The following FGD4 variants were observed in gnomAD, a reference collection of about 807,000 sequenced individuals.
FGD4 encodes FYVE, RhoGEF and PH domain-containing protein 4.
FGD4 carries 42 observed loss-of-function variants against 102.0 expected under a neutral mutation model. The observed-to-expected ratio is 0.41, with a 90% CI of 0.32 to 0.53. The LOEUF is 0.53. Ranked by LOEUF, FGD4 falls within the 20% of genes least tolerant of loss-of-function variation. FGD4 has a pLI of 0.21. For synonymous variants in FGD4, 380 were observed against 375.7 expected (o/e 1.01, Z -0.13); for missense variants, 902 against 1,078.2 (o/e 0.84, Z 2.29).
chr12:32,431,222 G>A (rs565361045), intron 1 of FGD4, among the ~76,000 whole-genome samples: 97 of 152,312 alleles, frequency 6.4e-4, no homozygotes, highest in Admixed American at 8.5e-4. Context: ...CAGCAGATGT[G>A]TTAGGTGCTT....
At chr12:32,628,998 C>A (rs1354498980) in intron 14 of FGD4, among the ~76,000 whole-genome samples, 1 of 152,154 alleles carries the variant, frequency 6.6e-6, no homozygotes, top group African/African-American at 2.4e-5. Context: ...AATGGTGCTT[C>A]CTGAGTATCT....
chr12:32,610,991 C>A, intron 9 of FGD4, 146 bp from the exon 10 acceptor site: 1 of 1,251,816 alleles, frequency 8.0e-7, no homozygotes, highest in Non-Finnish European at 1.1e-6. Context: ...ATTCTCTGAA[C>A]TTGCTAATAA....
intron 1 of FGD4, among the ~76,000 whole-genome samples, chr12:32,433,865 A>T (rs556952067): frequency 6.6e-5 from 10 of 150,484 alleles, no homozygotes; most frequent in South Asian, 2.1e-4. Context: ...ATTTATTATT[A>T]TTATTTTTTG....
intron 3 of FGD4, 82 bp downstream of exon 3, chr12:32,576,531 A>G (rs1946142351): frequency 1.2e-5 from 17 of 1,456,588 alleles, no homozygotes; most frequent in Non-Finnish European, 1.5e-5. Flanking sequence ...GATACATTCT[A>G]AATAAAAAGC....
rs938668725 is a variant in FGD4, at chr12:32,644,927, C to T, written c.*4394C>T. On this transcript the variant is annotated 3_prime_UTR_variant, in exon 17 of 17. Transcript: ENST00000534526. The stretch of plus-strand genomic sequence containing the variant: ...ATCTGAAGTCAATCATGGTCTTCTA[C>T]TTTCTGGACTGAGCATTTGGCAGAA... 4.0e-5 allele frequency: 6 copies of T among 151,170 alleles called. No individual in the cohort carries two copies. The highest frequency in any genetic ancestry group is 5.9e-5 in the Non-Finnish European group (4 of 67,864). The allele number at this position is 151,170 out of a possible 1,614,324, so 9.4% of individuals were successfully genotyped here. A position where few individuals can be genotyped will look rare whatever the true frequency, so the allele number is the denominator to read the frequency against.
chr12:32,545,969 A>G (rs1480689853), intron 1 of FGD4, among the ~76,000 whole-genome samples: 1 of 152,236 alleles, frequency 6.6e-6, no homozygotes, highest in African/African-American at 2.4e-5. Flanking sequence ...ATTTCCTGGA[A>G]CAGATTCTAA....
At chr12:32,479,940 C>T (rs529354943) in intron 1 of FGD4, among the ~76,000 whole-genome samples, 1 of 151,484 alleles carries the variant, frequency 6.6e-6, no homozygotes, top group Non-Finnish European at 1.5e-5. Flanking sequence ...ACATGCGTAC[C>T]TCCACATCCA....
At chr12:32,471,017 T>C (rs1943402905) in intron 1 of FGD4, among the ~76,000 whole-genome samples, 1 of 152,208 alleles carries the variant, frequency 6.6e-6, no homozygotes, top group African/African-American at 2.4e-5. Flanking sequence ...GCTTAGACCC[T>C]GTGATGGTTA....
intron 1 of FGD4, among the ~76,000 whole-genome samples, chr12:32,404,043 G>T (rs1248636913): frequency 2.6e-5 from 4 of 151,576 alleles, no homozygotes; most frequent in Non-Finnish European, 5.9e-5. Flanking sequence ...CTCTTGGGCA[G>T]CATGGTCTTA....
At chr12:32,418,899 A>G (rs939458398) in intron 1 of FGD4, among the ~76,000 whole-genome samples, 3 of 152,084 alleles carry the variant, frequency 2.0e-5, no homozygotes, top group Non-Finnish European at 2.9e-5. Flanking sequence ...GTTTTGTTCT[A>G]CTGTGGTTAA....
chr12:32,404,150 G>C (rs948188882), intron 1 of FGD4, among the ~76,000 whole-genome samples: 1 of 147,588 alleles, frequency 6.8e-6, no homozygotes, highest in African/African-American at 2.5e-5. Context: ...CCATGCATTT[G>C]TTGTATCTGA....
At chr12:32,445,484 T>A (rs1390708525) in intron 1 of FGD4, among the ~76,000 whole-genome samples, 1 of 152,208 alleles carries the variant, frequency 6.6e-6, no homozygotes, top group African/African-American at 2.4e-5. Flanking sequence ...GGCTTTTTAT[T>A]TGGGTGAGGA....
At chr12:32,454,283 T>C (rs1942893098) in intron 1 of FGD4, among the ~76,000 whole-genome samples, 1 of 152,220 alleles carries the variant, frequency 6.6e-6, no homozygotes, top group African/African-American at 2.4e-5. Context: ...CAAGGGTTTT[T>C]ACTCTTTCTA....
intron 4 of FGD4, among the ~76,000 whole-genome samples, chr12:32,596,787 T>C (rs896621094): frequency 6.6e-6 from 1 of 151,706 alleles, no homozygotes; most frequent in Non-Finnish European, 1.5e-5. Context: ...AATACAAAAT[T>C]AGCCGGCCGT....
At chr12:32,578,612 C>T (rs1339624050) in intron 3 of FGD4, among the ~76,000 whole-genome samples, 2 of 152,058 alleles carry the variant, frequency 1.3e-5, no homozygotes, top group Admixed American at 6.5e-5. Flanking sequence ...GTTGGATTGT[C>T]TGAGCTCAGG....
intron 1 of FGD4, among the ~76,000 whole-genome samples, chr12:32,444,815 C>T (rs1206841947): frequency 6.6e-6 from 1 of 152,178 alleles, no homozygotes; most frequent in Admixed American, 6.5e-5. Flanking sequence ...CAGAATTCAG[C>T]AGAAAGATTT....
chr12:32,592,788 A>C (rs1947587682), intron 4 of FGD4, among the ~76,000 whole-genome samples: 1 of 152,234 alleles, frequency 6.6e-6, no homozygotes, highest in South Asian at 2.1e-4. Flanking sequence ...TATTACTTCA[A>C]AATGACTGTA....
intron 15 of FGD4, among the ~76,000 whole-genome samples, chr12:32,634,977 A>G (rs1237779531): frequency 8.2e-6 from 1 of 121,310 alleles, no homozygotes; most frequent in African/African-American, 3.9e-5. Flanking sequence ...ACAGAGCTAG[A>G]CTCTGTCTCA....
chr12:32,472,012 T>C (rs919365837), intron 1 of FGD4, among the ~76,000 whole-genome samples: 6 of 152,160 alleles, frequency 3.9e-5, no homozygotes, highest in African/African-American at 1.4e-4. Context: ...ACATGCACGA[T>C]AGAGCAGCCC....
Sources: gnomAD v4.1 joint callset for allele counts (sites outside exome capture counted in the v4.1 genomes callset) on GRCh38, gnomAD v4.1.1 for gene constraint, MANE v1.5 for transcripts, NCBI Gene and HGNC (gene_info 2026-07-23, HGNC 2026-07-21) for gene names.